Variants in GXYLT2 observed in about 807,000 individuals in gnomAD.
GXYLT2 encodes the protein glycosyltransferase 8 domain containing 4.
GXYLT2 carries 53 observed loss-of-function variants against 45.8 expected under a neutral mutation model. That is an observed-to-expected ratio of 1.16 (90% CI 0.93 to 1.46). The LOEUF is 1.46. Ranked by LOEUF, GXYLT2 falls within the 40% of genes most tolerant of loss-of-function variation. The pLI is 0.00. For missense variants in GXYLT2, 551 were observed against 544.4 expected (o/e 1.01, Z -0.12); for synonymous variants, 219 against 214.2 (o/e 1.02, Z -0.19).
chr3:72,975,926 C>CTTTTTTT lies in GXYLT2; in HGVS notation c.*784_*790dup, dbSNP rs200250227. 6.7e-5 allele frequency: 8 copies of CTTTTTTT among 119,536 alleles called. No homozygotes were observed. The highest frequency in any genetic ancestry group is 1.3e-4 in the African/African-American group (4 of 30,600). 7.4% of individuals were successfully genotyped at this position (119,536 alleles called of 1,614,324 possible). On this transcript the variant is annotated 3_prime_UTR_variant, in exon 7 of 7. Transcript: ENST00000389617. ...GGGTATTTCTTCTTTTTCTTTCTTTCTTTTTTTTTTTTTTTTTTTTTTTGA... is the reference window on the plus strand; with the variant it reads ...GGGTATTTCTTCTTTTTCTTTCTTTCTTTTTTTTTTTTTTTTTTTTTTTTTTTTTTGA...
rs759826534 is a variant in GXYLT2 at position 72,967,647 on chromosome 3, G to C, written c.1077G>C (p.Leu359=). 7.4e-6 allele frequency: 12 copies of C among 1,613,830 alleles called. No homozygotes were observed. Among genetic ancestry groups the C allele is most frequent in the Non-Finnish European group, 1.0e-5 (12 of 1,179,866 alleles). Residue 359 remains leucine, a synonymous_variant, in exon 6 of 7, where the codon CTG becomes CTC. Transcript: ENST00000389617. The stretch of plus-strand genomic sequence containing the variant: ...CTGAGCATGAAGGTGTGTCTGTTCT[G>C]CATGGAAACCGAGGCGTCTACCATG... ...REAEHEGVSV[L]HGNRGVYHDD... is the part of the protein sequence containing the mutation.
chr3:72,901,117 C>T (rs1366362539), intron 1 of GXYLT2, among the ~76,000 whole-genome samples: 6 of 151,998 alleles, frequency 3.9e-5, no homozygotes, highest in African/African-American at 7.2e-5. Context: ...GATGAAACCC[C>T]GTCTCTATTA....
At chr3:72,970,930 C>G (rs1274775680) in intron 6 of GXYLT2, among the ~76,000 whole-genome samples, 1 of 152,200 alleles carries the variant, frequency 6.6e-6, no homozygotes, top group East Asian at 1.9e-4. Flanking sequence ...TGCATCCAAG[C>G]TTTTCCTTCT....
At chr3:72,957,395 C>T (rs1421349656) in intron 5 of GXYLT2, 43 bp downstream of exon 5, 1 of 1,547,970 alleles carries the variant, frequency 6.5e-7, no homozygotes, top group African/African-American at 1.4e-5. Context: ...GGAGTACACT[C>T]AGCACACCCC....
chr3:72,900,008 T>C (rs888609588), intron 1 of GXYLT2, among the ~76,000 whole-genome samples: 9 of 152,196 alleles, frequency 5.9e-5, no homozygotes, highest in African/African-American at 1.9e-4. Flanking sequence ...CAGCCTCAGG[T>C]TCACCTGAGT....
intron 3 of GXYLT2, among the ~76,000 whole-genome samples, chr3:72,950,462 A>G (rs1359597584): frequency 6.6e-6 from 1 of 152,056 alleles, no homozygotes; most frequent in Non-Finnish European, 1.5e-5. Flanking sequence ...CTTCATCTCA[A>G]AAAAAGAAAA....
At chr3:72,930,461 C>T (rs1197212613) in intron 3 of GXYLT2, among the ~76,000 whole-genome samples, 2 of 150,018 alleles carry the variant, frequency 1.3e-5, no homozygotes. Context: ...AAGATCATGC[C>T]ACTGCACTCC....
At chr3:72,926,676 G>T (rs73838421) in intron 3 of GXYLT2, among the ~76,000 whole-genome samples, 1 of 152,108 alleles carries the variant, frequency 6.6e-6, no homozygotes, top group Admixed American at 6.6e-5. Context: ...GCTGTGAGGA[G>T]AGAAATTATG....
intron 4 of GXYLT2, among the ~76,000 whole-genome samples, chr3:72,956,969 C>T (rs532634392): frequency 6.5e-4 from 96 of 148,368 alleles, no homozygotes; most frequent in Non-Finnish European, 4.0e-4. Context: ...GGGTTCAATT[C>T]CAGGCATGGT....
At chr3:72,954,978 A>G in intron 3 of GXYLT2, 120 bp from the exon 4 acceptor site, 2 of 968,760 alleles carry the variant, frequency 2.1e-6, no homozygotes, top group South Asian at 3.4e-5. Flanking sequence ...AGAATTTAAT[A>G]CGAATCAACA....
intron 1 of GXYLT2, among the ~76,000 whole-genome samples, chr3:72,900,307 T>C (rs1709379992): frequency 6.6e-6 from 1 of 152,178 alleles, no homozygotes; most frequent in Admixed American, 6.5e-5. Context: ...CCTCCTAGGC[T>C]TCTGTGTTAT....
At chr3:72,967,212 AG>A (rs1280996364) in intron 5 of GXYLT2, among the ~76,000 whole-genome samples, 1 of 152,250 alleles carries the variant, frequency 6.6e-6, no homozygotes, top group Non-Finnish European at 1.5e-5. Context: ...AAGTACAGGA[AG>A]TTAAGTGACT....
At chr3:72,915,338 CTT>C (rs34611815) in intron 2 of GXYLT2, among the ~76,000 whole-genome samples, 10 of 48,734 alleles carry the variant, frequency 2.1e-4, no homozygotes, top group Admixed American at 1.1e-3. Context: ...TACCCATTTC[CTT>C]TTTTTTTTTT....
intron 5 of GXYLT2, among the ~76,000 whole-genome samples, chr3:72,964,773 A>G (rs748867930): frequency 1.5e-4 from 23 of 152,222 alleles, no homozygotes; most frequent in Admixed American, 7.9e-4. Context: ...CATTGATTCA[A>G]TCAATCAGTG....
rs561267326 is a variant in GXYLT2 at position 72,971,747 on chromosome 3, G to A, written c.1150-3230G>A. Among the ~76,000 whole-genome samples, 22 of 152,162 alleles carry A rather than the reference G, an allele frequency of 1.4e-4. No individual in the cohort carries two copies. In the South Asian group the frequency reaches 3.9e-3, roughly 27 times the overall value. On this transcript the variant is annotated intron_variant, in intron 6 of 6. Transcript: ENST00000389617. Reference sequence around the variant, plus strand: ...GTGGATCACTTGAGGTCGGGAGTTCGAGAACAGCGTGGCCAAAATGGCGAA... The same window carrying A: ...GTGGATCACTTGAGGTCGGGAGTTCAAGAACAGCGTGGCCAAAATGGCGAA...
intron 1 of GXYLT2, 89 bp from the exon 2 acceptor site, chr3:72,908,278 A>C: frequency 1.2e-6 from 1 of 842,994 alleles, no homozygotes. Context: ...TCATGTTTTG[A>C]AATGTTCTAA....
At chr3:72,895,604 G>T (rs1217463390) in intron 1 of GXYLT2, among the ~76,000 whole-genome samples, 1 of 152,028 alleles carries the variant, frequency 6.6e-6, no homozygotes, top group Non-Finnish European at 1.5e-5. Context: ...AGAAAAAAAA[G>T]ACAAAATTTT....
At chr3:72,959,450 G>A (rs13071429) in intron 5 of GXYLT2, among the ~76,000 whole-genome samples, 11,045 of 151,250 alleles carry the variant, frequency 0.073, 430 homozygotes, top group Admixed American at 0.1. Context: ...AGATTGGGGG[G>A]CAGTCTCATT....
intron 3 of GXYLT2, among the ~76,000 whole-genome samples, chr3:72,944,113 G>T (rs1710355190): frequency 6.6e-6 from 1 of 151,808 alleles, no homozygotes; most frequent in Non-Finnish European, 1.5e-5. Flanking sequence ...TTAAAGACAG[G>T]GTCTCTTTCT....
Sources: gnomAD v4.1 joint callset for allele counts (sites outside exome capture counted in the v4.1 genomes callset) on GRCh38, gnomAD v4.1.1 for gene constraint, MANE v1.5 for transcripts, NCBI Gene and HGNC (gene_info 2026-07-23, HGNC 2026-07-21) for gene names.